Variants in ZNF519 observed in about 807,000 individuals in gnomAD.
The protein encoded by ZNF519 is similar to Zinc finger protein 85 (Zinc finger protein HPF4) (HTF1).
In ZNF519, 7 loss-of-function variants were observed where a neutral mutation model predicts 7.4. The ratio of observed to expected loss-of-function variants is 0.94; its 90% CI spans 0.54 to 1.77. ZNF519 has a LOEUF of 1.77. Among genes scored for constraint, ZNF519 ranks in the 40% most tolerant of loss-of-function variants. The probability of loss-of-function intolerance (pLI) is 0.00; values close to 1 mark genes in which losing one functional copy is unlikely to be tolerated. For synonymous variants in ZNF519, 179 were observed against 203.3 expected, an observed-to-expected ratio of 0.88 and a Z score of 1.02; for missense variants, 586 against 623.1, an observed-to-expected ratio of 0.94 and a Z score of 0.63.
chr18:14,099,646 TTTAACA>T (rs2046151142), downstream of ZNF519, among the ~76,000 whole-genome samples: 2 of 152,212 alleles, frequency 1.3e-5, no homozygotes, highest in Non-Finnish European at 2.9e-5. Flanking sequence ...GCCATGATAT[TTTAACA>T]CAAAAGGAGA....
At chr18:14,120,101 T>C (rs527563097) in intron 2 of ZNF519, among the ~76,000 whole-genome samples, 91 of 152,166 alleles carry the variant, frequency 6.0e-4, no homozygotes, top group African/African-American at 1.9e-3. Flanking sequence ...CTGAGCAATA[T>C]TGAAAAAGAA....
rs376061193 is a variant in ZNF519, at chr18:14,124,201, T to C, written c.130+149A>G. 8 of 717,476 alleles carry C rather than the reference T, an allele frequency of 1.1e-5. No individual in the cohort carries two copies. The Admixed American group carries it at 2.3e-4, about 21-fold the overall frequency. The allele number at this position is 717,476 out of a possible 1,614,324, so 44.4% of individuals were successfully genotyped here. On this transcript the variant is annotated intron_variant, in intron 2 of 2. Transcript: ENST00000590202. ...TTAAAAAAAAAAAAAAAAGATTTTC[T>C]TTTTTACACTAGCAAACTCCCATTT...
intron 2 of ZNF519, among the ~76,000 whole-genome samples, chr18:14,092,805 C>G (rs1337811085): frequency 6.6e-6 from 1 of 152,176 alleles, no homozygotes; most frequent in Non-Finnish European, 1.5e-5. Context: ...AGGCCTCAAT[C>G]TTAGCCTATA....
chr18:14,093,905 A>C (rs1326007239), intron 2 of ZNF519, among the ~76,000 whole-genome samples: 2 of 152,250 alleles, frequency 1.3e-5, no homozygotes, highest in East Asian at 3.8e-4. Context: ...ATGTATGAAA[A>C]AACCATCAGT....
intron 2 of ZNF519, among the ~76,000 whole-genome samples, chr18:14,092,996 C>T (rs1481052706): frequency 2.6e-5 from 4 of 152,196 alleles, no homozygotes; most frequent in Non-Finnish European, 4.4e-5. Context: ...ACAATAAGCC[C>T]ATCTTCCTTT....
chr18:14,104,110 C>T lies in ZNF519; in HGVS notation c.*807G>A, dbSNP rs186291897. The stretch of plus-strand genomic sequence containing the variant: ...TCTACCAGAGAGAAGTTATTTGCAC[C>T]ACTCTCTGATATTTGTGATTTCTTT... On this transcript the variant is annotated 3_prime_UTR_variant, in exon 3 of 3. Coordinates refer to ENST00000590202, the MANE Select transcript of ZNF519 (RefSeq NM_145287.4). 6.6e-6 allele frequency: 1 copy of T among 152,184 alleles called. No individual in the cohort carries two copies. The highest frequency in any genetic ancestry group is 6.5e-5 in the Admixed American group (1 of 15,284). 9.4% of individuals were successfully genotyped at this position (152,184 alleles called of 1,614,324 possible).
chr18:14,097,908 G>C (rs2046143606), downstream of ZNF519, among the ~76,000 whole-genome samples: 1 of 152,144 alleles, frequency 6.6e-6, no homozygotes, highest in Admixed American at 6.5e-5. Context: ...CTCACAAGTA[G>C]AAAGTGCGAG....
At chr18:14,074,778 C>T (rs2046041320), downstream of ZNF519, 1 of 152,230 alleles carries the variant, frequency 6.6e-6, no homozygotes, top group South Asian at 2.1e-4. Context: ...TTCCTTTCTT[C>T]TTTTGAGCCA....
Position 14,105,428 on chromosome 18 carries a change from G to T in ZNF519, c.1112C>A (p.Thr371Asn). The T allele has an allele frequency of 6.2e-7, 1 of 1,613,688 alleles. No individual in the cohort carries two copies. Among genetic ancestry groups the T allele is most frequent in the Non-Finnish European group, 8.5e-7 (1 of 1,179,958 alleles). Reference protein sequence around the residue: ...SYLTQHQRIHTGEKPFRCKEC... With the variant: ...SYLTQHQRIHNGEKPFRCKEC... ...CTTACATCTGAAAGGTTTCTCTCCG[G>T]TATGGATTCTCTGGTGTTGAGTAAG... Residue 371 changes from threonine to asparagine, a missense_variant, in exon 3 of 3, where the codon ACC (threonine) becomes AAC (asparagine). Physicochemically the swap from Thr to Asn is moderately conservative, Grantham distance 65. Transcript: ENST00000590202.
chr18:14,086,488 C>T (rs2046090956), intron 2 of ZNF519, among the ~76,000 whole-genome samples: 1 of 152,196 alleles, frequency 6.6e-6, no homozygotes, highest in Non-Finnish European at 1.5e-5. Context: ...CCATGCCCCA[C>T]TACAAGCAGC....
At chr18:14,107,227 C>G (rs771867539) in intron 2 of ZNF519, among the ~76,000 whole-genome samples, 4 of 152,150 alleles carry the variant, frequency 2.6e-5, no homozygotes, top group African/African-American at 9.7e-5. Flanking sequence ...AAAGAGTAAA[C>G]AGGACTTTGT....
intron 3 of ZNF519, among the ~76,000 whole-genome samples, chr18:14,081,659 T>C (rs965650289): frequency 1.3e-5 from 2 of 152,158 alleles, no homozygotes; most frequent in Non-Finnish European, 1.5e-5. Context: ...ATGGTTTTCT[T>C]AAATTAGGGA....
chr18:14,129,467 G>A (rs1210699584), intron 1 of ZNF519, among the ~76,000 whole-genome samples: 3 of 152,062 alleles, frequency 2.0e-5, no homozygotes, highest in Admixed American at 1.3e-4. Flanking sequence ...CTAAGCTCTC[G>A]TTCCATCTCA....
At chr18:14,077,962 T>C (rs960936006) in intron 4 of ZNF519, among the ~76,000 whole-genome samples, 2 of 152,288 alleles carry the variant, frequency 1.3e-5, no homozygotes, top group East Asian at 1.9e-4. Flanking sequence ...ACCCGTTCCA[T>C]GGATGGGAAG....
downstream of ZNF519, chr18:14,075,865 A>C (rs918316279): frequency 1.6e-4 from 24 of 152,074 alleles, no homozygotes; most frequent in African/African-American, 5.8e-4. Context: ...ATTGTTTTCA[A>C]CTCATAACGT....
At chr18:14,081,070 C>T (rs1424197851) in intron 3 of ZNF519, among the ~76,000 whole-genome samples, 1 of 152,122 alleles carries the variant, frequency 6.6e-6, no homozygotes, top group East Asian at 1.9e-4. Flanking sequence ...TTTTGTTTAA[C>T]TCTATAATAG....
Position 14,106,095 on chromosome 18 carries a change from A to C in ZNF519, c.445T>G (p.Phe149Val). ...TTATTACAAAAGACAGATTTCAAAA[A>C]TTTATGTTGATATTTATTCATAGGA... ...CIPMNKYQHK[F>V]LKSVFCNKNQ... The change falls in exon 3 of 3, where the codon TTT (phenylalanine) becomes GTT (valine). Residue 149 changes from phenylalanine (F) to valine (V), a missense_variant. Physicochemically the swap from Phe to Val is conservative, Grantham distance 50. Coordinates refer to ENST00000590202, the MANE Select transcript of ZNF519 (RefSeq NM_145287.4). 1 of 1,606,066 alleles carries C rather than the reference A, an allele frequency of 6.2e-7. No homozygotes were observed.
At chr18:14,122,892 T>C (rs1180631963) in intron 2 of ZNF519, among the ~76,000 whole-genome samples, 1 of 151,672 alleles carries the variant, frequency 6.6e-6, no homozygotes, top group Non-Finnish European at 1.5e-5. Context: ...AACTCATCAT[T>C]TACATTAGGT....
At chr18:14,095,281 C>G (rs778718315), downstream of ZNF519, among the ~76,000 whole-genome samples, 22 of 152,202 alleles carry the variant, frequency 1.4e-4, no homozygotes, top group Admixed American at 2.6e-4. Flanking sequence ...GGGAGAGTCA[C>G]TGTGTGACTC....
Sources: gnomAD v4.1 joint callset for allele counts (sites outside exome capture counted in the v4.1 genomes callset) on GRCh38, gnomAD v4.1.1 for gene constraint, MANE v1.5 for transcripts, NCBI Gene and HGNC (gene_info 2026-07-23, HGNC 2026-07-21) for gene names.